Variants in CLSTN2 observed in about 807,000 individuals in gnomAD.
The protein encoded by CLSTN2 is calsyntenin 2, also known as calsyntenin-2.
Under a neutral mutation model 101.2 loss-of-function variants are expected in CLSTN2, and 48 were observed. The observed-to-expected ratio is 0.47, with a 90% CI of 0.38 to 0.60. The LOEUF (loss-of-function observed/expected upper bound fraction) is 0.60, where lower values mean the gene tolerates loss of function less well. CLSTN2 is among the 20% of genes least tolerant of loss of function. The pLI, the probability that CLSTN2 is intolerant of heterozygous loss-of-function variation, is 0.00. For missense variants in CLSTN2, 1,160 were observed against 1,238.2 expected (o/e 0.94, Z 0.95); for synonymous variants, 481 against 463.6 (o/e 1.04, Z -0.48).
intron 1 of CLSTN2, among the ~76,000 whole-genome samples, chr3:139,976,954 G>A (rs893909920): frequency 9.2e-5 from 14 of 152,076 alleles, no homozygotes; most frequent in Non-Finnish European, 8.8e-5. Context: ...TGAAGCACCC[G>A]CCCGCTCCAT....
At chr3:140,523,445 A>C (rs987513411) in intron 8 of CLSTN2, among the ~76,000 whole-genome samples, 3 of 152,032 alleles carry the variant, frequency 2.0e-5, no homozygotes, top group Non-Finnish European at 2.9e-5. Flanking sequence ...ATTCCTGAAG[A>C]GTTCTCTTTC....
intron 2 of CLSTN2, among the ~76,000 whole-genome samples, chr3:140,191,371 T>C (rs537747113): frequency 6.6e-6 from 1 of 152,130 alleles, no homozygotes; most frequent in South Asian, 2.1e-4. Context: ...TCTGTAGTTT[T>C]CTTTGTATTG....
intron 2 of CLSTN2, among the ~76,000 whole-genome samples, chr3:140,239,642 G>A (rs11717443): frequency 0.97 from 147,388 of 152,258 alleles, 71,506 homozygotes; most frequent in East Asian, 1. Flanking sequence ...TGTCAGTAAG[G>A]GCATTGCTAA....
intron 16 of CLSTN2, among the ~76,000 whole-genome samples, chr3:140,564,549 A>T (rs1464146164): frequency 6.6e-6 from 1 of 152,212 alleles, no homozygotes; most frequent in Non-Finnish European, 1.5e-5. Flanking sequence ...ACACTGCCTG[A>T]AGAGTTCACT....
intron 5 of CLSTN2, among the ~76,000 whole-genome samples, chr3:140,432,947 C>G (rs570461278): frequency 2.0e-5 from 3 of 152,302 alleles, no homozygotes; most frequent in Admixed American, 6.5e-5. Context: ...TTCACTGAAC[C>G]CTGAAAACTG....
At chr3:140,081,838 A>G (rs2008604578) in intron 1 of CLSTN2, among the ~76,000 whole-genome samples, 1 of 152,206 alleles carries the variant, frequency 6.6e-6, no homozygotes. Context: ...TCTGTAATTC[A>G]AAAGCTGTTT....
intron 1 of CLSTN2, among the ~76,000 whole-genome samples, chr3:140,000,732 G>GTAGAGCTGC (rs762482980): frequency 5.9e-5 from 9 of 152,282 alleles, no homozygotes; most frequent in Non-Finnish European, 1.0e-4. Context: ...GCTTGCGCTG[G>GTAGAGCTGC]TAGAGCTGCT....
intron 1 of CLSTN2, among the ~76,000 whole-genome samples, chr3:140,091,033 G>T (rs533057214): frequency 7.2e-5 from 11 of 152,148 alleles, no homozygotes; most frequent in Non-Finnish European, 1.6e-4. Context: ...GAGTGGCCCA[G>T]ACTGACTCTG....
chr3:140,403,684 G>A lies in CLSTN2; in HGVS notation c.288G>A (p.Val96=). 3 of 1,614,154 alleles carry A rather than the reference G, an allele frequency of 1.9e-6. No homozygotes were observed. Among genetic ancestry groups the A allele is most frequent in the Non-Finnish European group, 2.5e-6 (3 of 1,180,004 alleles). ...AGGAGCTGCCCTTTGAGGCTGTGGT[G>A]CTCAACAAGACATCAGGAGAGGGCC... ...HGQELPFEAV[V]LNKTSGEGRL... Residue 96 remains valine, a synonymous_variant, in exon 3 of 17, where the codon GTG becomes GTA. Transcript: ENST00000458420.
At chr3:140,422,911 G>C (rs2088521160) in intron 5 of CLSTN2, among the ~76,000 whole-genome samples, 1 of 152,156 alleles carries the variant, frequency 6.6e-6, no homozygotes, top group South Asian at 2.1e-4. Context: ...GAAAGAAAAG[G>C]TATATGAGTT....
At chr3:139,989,096 A>G (rs1430440571) in intron 1 of CLSTN2, among the ~76,000 whole-genome samples, 1 of 152,170 alleles carries the variant, frequency 6.6e-6, no homozygotes, top group Non-Finnish European at 1.5e-5. Context: ...TCCTTACAGC[A>G]GTGACAGCCA....
chr3:140,474,055 T>C (rs1161010351), intron 8 of CLSTN2, among the ~76,000 whole-genome samples: 1 of 152,212 alleles, frequency 6.6e-6, no homozygotes, highest in East Asian at 1.9e-4. Flanking sequence ...ATTACAGGCA[T>C]AAGCCACCAC....
chr3:140,509,096 C>T (rs1244462186), intron 8 of CLSTN2, among the ~76,000 whole-genome samples: 1 of 152,176 alleles, frequency 6.6e-6, no homozygotes, highest in East Asian at 1.9e-4. Flanking sequence ...GTTTTGTTCA[C>T]TGTCACATCC....
chr3:140,103,783 T>G (rs1245724584), intron 1 of CLSTN2, among the ~76,000 whole-genome samples: 2 of 152,344 alleles, frequency 1.3e-5, no homozygotes, highest in East Asian at 3.9e-4. Flanking sequence ...ATAGAGCACC[T>G]ACTATGGACC....
intron 2 of CLSTN2, among the ~76,000 whole-genome samples, chr3:140,319,300 G>C (rs1490421891): frequency 3.3e-5 from 5 of 152,150 alleles, no homozygotes; most frequent in Non-Finnish European, 5.9e-5. Flanking sequence ...CCTCTGCTCA[G>C]GCATCTTAAG....
intron 1 of CLSTN2, among the ~76,000 whole-genome samples, chr3:140,111,624 G>A (rs1053293192): frequency 2.0e-5 from 3 of 152,016 alleles, no homozygotes; most frequent in African/African-American, 7.3e-5. Context: ...GCTCCTGATC[G>A]ACAACACATC....
chr3:140,254,141 T>C lies in CLSTN2; in HGVS notation c.232+78068T>C, dbSNP rs537104781. 3.3e-4 allele frequency among the ~76,000 whole-genome samples: 51 copies of C among 152,312 alleles called. 1 individual carries two copies. Among genetic ancestry groups the C allele is most frequent in the Admixed American group, 4.6e-4 (7 of 15,292 alleles). On this transcript the variant is annotated intron_variant, in intron 2 of 16. Transcript: ENST00000458420. ...AGACTTCTCATGTTCTCGACTTCCA[T>C]TGCACATACATGACATAATCTGAGA...
At chr3:140,433,359 A>C (rs930496600) in intron 5 of CLSTN2, among the ~76,000 whole-genome samples, 1 of 152,190 alleles carries the variant, frequency 6.6e-6, no homozygotes, top group Non-Finnish European at 1.5e-5. Context: ...TAAGGGGAAA[A>C]GCCTTGCCCA....
At chr3:140,372,760 C>T (rs2087872585) in intron 2 of CLSTN2, among the ~76,000 whole-genome samples, 1 of 152,188 alleles carries the variant, frequency 6.6e-6, no homozygotes, top group Non-Finnish European at 1.5e-5. Flanking sequence ...GTAATGGGAA[C>T]ACTGGTTCTC....
Sources: allele counts gnomAD v4.1 joint callset (sites outside exome capture counted in the v4.1 genomes callset), GRCh38; gene constraint gnomAD v4.1.1; transcripts MANE v1.5; gene names NCBI Gene and HGNC (gene_info 2026-07-23, HGNC 2026-07-21).